The following TEAD1 variants were observed in gnomAD, a reference collection of about 807,000 sequenced individuals.
The protein encoded by TEAD1 is TEA domain transcription factor 1.
In TEAD1, 9 loss-of-function variants were observed where a neutral mutation model predicts 54.9. That is an observed-to-expected ratio of 0.16 (90% CI 0.10 to 0.29). The LOEUF is 0.29. Among genes scored for constraint, TEAD1 ranks in the 10% least tolerant of loss-of-function variants. The pLI is 1.00. For synonymous variants in TEAD1, 200 were observed against 187.8 expected (o/e 1.07, Z -0.53); for missense variants, 387 against 535.9 (o/e 0.72, Z 2.74).
chr11:12,696,108 G>A (rs1218619834), intron 2 of TEAD1, among the ~76,000 whole-genome samples: 1 of 152,232 alleles, frequency 6.6e-6, no homozygotes, highest in Admixed American at 6.5e-5. Context: ...CCTCCTTAGA[G>A]TGGTTAAGAA....
chr11:12,750,545 A>G (rs1205344846), intron 2 of TEAD1, among the ~76,000 whole-genome samples: 2 of 151,698 alleles, frequency 1.3e-5, no homozygotes, highest in African/African-American at 2.4e-5. Context: ...TTATCTTCCC[A>G]AGTAGACAGA....
At chr11:12,850,979 G>GC (rs2134050624) in intron 3 of TEAD1, 1 of 789,442 alleles carries the variant, frequency 1.3e-6, no homozygotes, top group African/African-American at 1.9e-5. Context: ...TGAAATAGTT[G>GC]CAACTTTAAA....
intron 4 of TEAD1, among the ~76,000 whole-genome samples, chr11:12,864,128 A>G (rs1255562939): frequency 6.6e-6 from 1 of 152,046 alleles, no homozygotes; most frequent in Admixed American, 6.5e-5. Context: ...TTTGAGATCT[A>G]ATTTACATGT....
chr11:12,750,185 A>G (rs1479670592), intron 2 of TEAD1, among the ~76,000 whole-genome samples: 3 of 152,180 alleles, frequency 2.0e-5, no homozygotes, highest in Non-Finnish European at 2.9e-5. Context: ...ATGCAGACGC[A>G]TGTCTCTGTA....
intron 4 of TEAD1, chr11:12,864,637 G>GTTTTGTTTTGTTTTGTT (rs1947579217): frequency 7.9e-7 from 1 of 1,273,392 alleles, no homozygotes; most frequent in Non-Finnish European, 1.0e-6. Context: ...GTTTTGTTTT[G>GTTTTGTTTTGTTTTGTT]TTTTGTTTTG....
At chr11:12,783,133 T>TGCGTGC (rs1554933040) in intron 3 of TEAD1, among the ~76,000 whole-genome samples, 26 of 145,570 alleles carry the variant, frequency 1.8e-4, no homozygotes, top group African/African-American at 7.0e-4. Context: ...TGTGTGTGTG[T>TGCGTGC]GCGCGCACTT....
chr11:12,852,449 CTTT>C (rs10706947), intron 3 of TEAD1, among the ~76,000 whole-genome samples: 6 of 132,684 alleles, frequency 4.5e-5, no homozygotes, highest in Admixed American at 1.5e-4. Context: ...TCTTTTTTTC[CTTT>C]TTTTTTTTTT....
intron 2 of TEAD1, among the ~76,000 whole-genome samples, chr11:12,679,962 T>G (rs775131050): frequency 1.3e-5 from 2 of 152,240 alleles, no homozygotes; most frequent in Non-Finnish European, 2.9e-5. Context: ...TGAGTTCTCT[T>G]TGAAAACCAG....
intron 3 of TEAD1, among the ~76,000 whole-genome samples, chr11:12,808,634 G>A (rs752929054): frequency 2.6e-5 from 4 of 152,126 alleles, no homozygotes; most frequent in Admixed American, 1.3e-4. Context: ...TTGTGGAGAG[G>A]TGGATGATTT....
chr11:12,805,648 C>T (rs554753117), intron 3 of TEAD1, among the ~76,000 whole-genome samples: 1 of 152,300 alleles, frequency 6.6e-6, no homozygotes, highest in Admixed American at 6.5e-5. Flanking sequence ...TAATAGTGAT[C>T]TTTCTGCTTT....
intron 3 of TEAD1, among the ~76,000 whole-genome samples, chr11:12,837,564 G>A (rs1183406816): frequency 6.6e-6 from 1 of 152,060 alleles, no homozygotes; most frequent in East Asian, 1.9e-4. Flanking sequence ...GTTACTCCTG[G>A]TACCTCTCTC....
chr11:12,913,038 C>T (rs1488744297), intron 10 of TEAD1, among the ~76,000 whole-genome samples: 1 of 152,146 alleles, frequency 6.6e-6, no homozygotes, highest in African/African-American at 2.4e-5. Context: ...TCACCTTTAC[C>T]ATTTCACCTC....
At chr11:12,777,057 T>C (rs748498394) in intron 3 of TEAD1, among the ~76,000 whole-genome samples, 41 of 152,032 alleles carry the variant, frequency 2.7e-4, no homozygotes, top group Admixed American at 2.7e-3. Flanking sequence ...ACTCCCAAAG[T>C]GCTAGGATTA....
Position 12,736,326 on chromosome 11 carries a change from C to T in TEAD1, c.-54-27853C>T, listed in dbSNP as rs116202039. Among the ~76,000 whole-genome samples, 1,184 of 152,176 alleles carry T rather than the reference C, an allele frequency of 7.8e-3. 21 individuals carry two copies. Among genetic ancestry groups the T allele is most frequent in the African/African-American group, 0.027 (1,131 of 41,516 alleles). On this transcript the variant is annotated intron_variant, in intron 2 of 12. Coordinates refer to ENST00000527636, the MANE Select transcript of TEAD1 (RefSeq NM_021961.6). ...TGTTTTGTTTTTGTCATTGCCCTAC[C>T]TAGAACAAACTTCAGGAAAGATAGG...
rs556685431 is a variant in TEAD1, at chr11:12,881,858, CG to C, written c.513-37del. ...TGGGTAATAGCCCCTGCTGCAGATGCGATCTCTTAACTCTGTCTGCCATCTC... is the reference window on the plus strand; with the variant it reads ...TGGGTAATAGCCCCTGCTGCAGATGCATCTCTTAACTCTGTCTGCCATCTC... On this transcript the variant is annotated intron_variant, in intron 7 of 12. Transcript: ENST00000527636. 1.2e-4 allele frequency: 194 copies of C among 1,607,782 alleles called. No individual in the cohort carries two copies. In the African/African-American group the frequency reaches 2.2e-3, roughly 18 times the overall value.
chr11:12,809,098 T>A (rs1946236654), intron 3 of TEAD1, among the ~76,000 whole-genome samples: 1 of 152,246 alleles, frequency 6.6e-6, no homozygotes, highest in African/African-American at 2.4e-5. Flanking sequence ...TTTTCTTTCC[T>A]AATGAGTGTG....
intron 2 of TEAD1, among the ~76,000 whole-genome samples, chr11:12,695,633 G>A (rs1022331564): frequency 1.3e-5 from 2 of 152,196 alleles, no homozygotes; most frequent in Admixed American, 6.5e-5. Context: ...CACAGCCCAT[G>A]ATCTGTGAGG....
At chr11:12,872,782 T>A (rs907704418) in intron 5 of TEAD1, among the ~76,000 whole-genome samples, 1 of 152,164 alleles carries the variant, frequency 6.6e-6, no homozygotes, top group Non-Finnish European at 1.5e-5. Flanking sequence ...GGTTATCTAG[T>A]GAGGACAAGG....
At chr11:12,881,801 A>AG (rs1947975288) in intron 7 of TEAD1, 95 bp from the exon 8 acceptor site, 1 of 1,292,230 alleles carries the variant, frequency 7.7e-7, no homozygotes, top group African/African-American at 1.4e-5. Context: ...ACAGCGGTGA[A>AG]GGACCTCCCA....
Sources: gnomAD v4.1 joint callset for allele counts (sites outside exome capture counted in the v4.1 genomes callset) on GRCh38, gnomAD v4.1.1 for gene constraint, MANE v1.5 for transcripts, NCBI Gene and HGNC (gene_info 2026-07-23, HGNC 2026-07-21) for gene names.